Variants in CTNNA2 observed in about 807,000 individuals in gnomAD.
CTNNA2 encodes the protein catenin alpha-2.
Under a neutral mutation model 101.0 loss-of-function variants are expected in CTNNA2, and 42 were observed. The observed-to-expected ratio is 0.42, with a 90% confidence interval of 0.32 to 0.54. The LOEUF (loss-of-function observed/expected upper bound fraction) is 0.54. Ranked by LOEUF, CTNNA2 falls within the 20% of genes least tolerant of loss-of-function variation. CTNNA2 has a pLI of 0.14. For synonymous variants in CTNNA2, 450 were observed against 456.4 expected (o/e 0.99, Z 0.18); for missense variants, 871 against 1,223.1 (o/e 0.71, Z 4.29).
chr2:80,158,397 C>A (rs183404403), intron 7 of CTNNA2, among the ~76,000 whole-genome samples: 1 of 152,192 alleles, frequency 6.6e-6, no homozygotes. Flanking sequence ...ATGCTCTTTC[C>A]CTCGTTTCGC....
chr2:79,237,621 G>T (rs1054852149), intron 2 of CTNNA2, among the ~76,000 whole-genome samples: 12 of 152,238 alleles, frequency 7.9e-5, no homozygotes, highest in African/African-American at 2.9e-4. Context: ...AAAACCTCTT[G>T]CTTAGTTTCA....
Position 79,259,309 on chromosome 2 carries a change from C to G in CTNNA2, c.-405-53400C>G, listed in dbSNP as rs140950796. On this transcript the variant is annotated intron_variant, in intron 2 of 21. Coordinates refer to the CTNNA2 transcript ENST00000466387. ...TCCACCCCCTCCTAACACACACCTA[C>G]TTCCTCAACTTCCAAATAACAAAGA... Among the ~76,000 whole-genome samples, 870 of 152,312 alleles carry G rather than the reference C, an allele frequency of 5.7e-3. 9 individuals carry two copies. Among genetic ancestry groups the G allele is most frequent in the African/African-American group, 0.02 (823 of 41,566 alleles).
At chr2:79,733,401 C>A (rs1014191126) in intron 2 of CTNNA2, among the ~76,000 whole-genome samples, 1 of 151,980 alleles carries the variant, frequency 6.6e-6, no homozygotes, top group African/African-American at 2.4e-5. Flanking sequence ...TATGTGTTTT[C>A]TTATAGTTTA....
chr2:79,397,480 C>G (rs576157902), intron 4 of CTNNA2, among the ~76,000 whole-genome samples: 2 of 138,218 alleles, frequency 1.4e-5, no homozygotes, highest in South Asian at 4.4e-4. Context: ...GATCCCATTA[C>G]TAACCAAGTG....
intron 2 of CTNNA2, among the ~76,000 whole-genome samples, chr2:79,217,891 T>A (rs1674287126): frequency 6.6e-6 from 1 of 152,378 alleles, no homozygotes; most frequent in Non-Finnish European, 1.5e-5. Flanking sequence ...CATTGTTGTT[T>A]ACTTCTTTAA....
intron 7 of CTNNA2, among the ~76,000 whole-genome samples, chr2:80,132,173 G>A (rs183928083): frequency 1.2e-3 from 179 of 152,184 alleles, no homozygotes; most frequent in Admixed American, 0.01. Flanking sequence ...AAGTGAAGAC[G>A]TCTTAGCACG....
chr2:80,609,595 A>G (rs1013954580), intron 17 of CTNNA2, among the ~76,000 whole-genome samples: 3 of 151,776 alleles, frequency 2.0e-5, no homozygotes, highest in African/African-American at 7.2e-5. Flanking sequence ...CTCGCCAAGA[A>G]GTGATCAAAT....
intron 7 of CTNNA2, among the ~76,000 whole-genome samples, chr2:80,041,814 C>T (rs937510344): frequency 2.0e-5 from 3 of 152,140 alleles, no homozygotes; most frequent in South Asian, 4.2e-4. Context: ...TCTAGACATG[C>T]GGATTTAAGA....
intron 7 of CTNNA2, among the ~76,000 whole-genome samples, chr2:80,083,758 A>G (rs1396194351): frequency 6.6e-6 from 1 of 152,258 alleles, no homozygotes. Context: ...ATATTATACC[A>G]GGCTTCTTTA....
intron 7 of CTNNA2, among the ~76,000 whole-genome samples, chr2:79,956,618 G>C (rs760659423): frequency 2.6e-5 from 4 of 152,284 alleles, no homozygotes; most frequent in Non-Finnish European, 1.5e-5. Flanking sequence ...TTAGCGATGA[G>C]AGAGAATTTA....
chr2:80,455,535 T>C (rs1412951141), intron 9 of CTNNA2, among the ~76,000 whole-genome samples: 6 of 152,162 alleles, frequency 3.9e-5, no homozygotes, highest in Admixed American at 3.9e-4. Flanking sequence ...AGTTGCGAGT[T>C]AGTGGAAATT....
chr2:80,348,212 A>T (rs557464252), intron 7 of CTNNA2, among the ~76,000 whole-genome samples: 8 of 152,218 alleles, frequency 5.3e-5, no homozygotes, highest in Admixed American at 4.6e-4. Flanking sequence ...CTTCTTAATC[A>T]CCAGAGACAA....
At chr2:80,444,868 T>C (rs1186435010) in intron 9 of CTNNA2, among the ~76,000 whole-genome samples, 2 of 152,122 alleles carry the variant, frequency 1.3e-5, no homozygotes, top group Non-Finnish European at 2.9e-5. Context: ...CCACCCAGAC[T>C]GTAGTATGAC....
intron 9 of CTNNA2, among the ~76,000 whole-genome samples, chr2:80,435,243 C>T (rs1681927429): frequency 6.6e-6 from 1 of 152,190 alleles, no homozygotes; most frequent in Non-Finnish European, 1.5e-5. Context: ...ATACCTACAT[C>T]AGTTCATTTG....
intron 7 of CTNNA2, among the ~76,000 whole-genome samples, chr2:80,059,664 T>C (rs188748837): frequency 1.3e-5 from 2 of 152,336 alleles, no homozygotes; most frequent in East Asian, 1.9e-4. Context: ...ATAAACTTCC[T>C]GGAGTCAAGA....
intron 13 of CTNNA2, 105 bp downstream of exon 13, chr2:80,574,419 T>C: frequency 7.5e-7 from 1 of 1,336,824 alleles, no homozygotes; most frequent in Non-Finnish European, 9.9e-7. Context: ...GAGTTTAACT[T>C]GGTAAGCTGT....
chr2:79,235,119 T>C lies in CTNNA2; in HGVS notation c.-406+37043T>C, dbSNP rs376667878. On this transcript the variant is annotated intron_variant, in intron 2 of 21. Transcript: ENST00000466387. ...ACGCTGGCTTATGGAGTTTCCAGAATTCTTGCATTGATTCTTTCTCATGTG... is the reference window on the plus strand; with the variant it reads ...ACGCTGGCTTATGGAGTTTCCAGAACTCTTGCATTGATTCTTTCTCATGTG... 9.4e-4 allele frequency among the ~76,000 whole-genome samples: 143 copies of C among 152,326 alleles called. 4 individuals are homozygous for C. The South Asian group carries it at 0.028, about 30-fold the overall frequency.
chr2:79,913,308 G>A (rs1036104334), intron 7 of CTNNA2, among the ~76,000 whole-genome samples: 6 of 152,188 alleles, frequency 3.9e-5, no homozygotes, highest in African/African-American at 1.4e-4. Flanking sequence ...AGGAAGGGAT[G>A]ACAAGGTCAA....
intron 7 of CTNNA2, among the ~76,000 whole-genome samples, chr2:80,067,183 T>C (rs1209523872): frequency 1.2e-5 from 1 of 80,934 alleles, no homozygotes; most frequent in Non-Finnish European, 4.5e-5. Context: ...GTGACTATAG[T>C]TAATGTATTC....
Sources: gnomAD v4.1 joint callset for allele counts (sites outside exome capture counted in the v4.1 genomes callset) on GRCh38, gnomAD v4.1.1 for gene constraint, MANE v1.5 for transcripts, NCBI Gene and HGNC (gene_info 2026-07-23, HGNC 2026-07-21) for gene names.